The following ITPR2 variants were observed in gnomAD, a reference collection of about 807,000 sequenced individuals.
The protein encoded by ITPR2 is inositol 1,4,5-trisphosphate receptor type 2, also known as inositol 1,4,5-trisphosphate-gated calcium channel ITPR2.
ITPR2 carries 207 observed loss-of-function variants against 317.1 expected under a neutral mutation model. The ratio of observed to expected loss-of-function variants is 0.65; its 90% CI spans 0.58 to 0.73. ITPR2 has a LOEUF of 0.73. ITPR2 is among the 30% of genes least tolerant of loss of function. The pLI is 0.00. For synonymous variants in ITPR2, 1,156 were observed against 1,149.1 expected (o/e 1.01, Z -0.12); for missense variants, 2,613 against 3,284.0 (o/e 0.80, Z 4.99).
chr12:26,589,183 C>T (rs1434451975), intron 32 of ITPR2, among the ~76,000 whole-genome samples: 1 of 152,132 alleles, frequency 6.6e-6, no homozygotes, highest in Non-Finnish European at 1.5e-5. Context: ...ATCTGGTGTG[C>T]TTACAGGACA....
intron 2 of ITPR2, among the ~76,000 whole-genome samples, chr12:26,787,103 T>C (rs1215816671): frequency 1.3e-5 from 2 of 152,216 alleles, no homozygotes; most frequent in African/African-American, 4.8e-5. Context: ...ATGAGGCACT[T>C]GGTCAGGCAC....
At chr12:26,763,297 A>T (rs1229069423) in intron 2 of ITPR2, among the ~76,000 whole-genome samples, 2 of 152,096 alleles carry the variant, frequency 1.3e-5, no homozygotes, top group Non-Finnish European at 2.9e-5. Context: ...AATTAAACCT[A>T]CCAGTTCAAT....
intron 2 of ITPR2, among the ~76,000 whole-genome samples, chr12:26,784,336 T>C (rs369830652): frequency 5.4e-5 from 2 of 37,098 alleles, no homozygotes; most frequent in Non-Finnish European, 7.0e-5. Context: ...CCTCTCCCTC[T>C]CCCTCTCCCT....
chr12:26,639,847 C>T lies in ITPR2; in HGVS notation c.2741-7788G>A, dbSNP rs572158140. On this transcript the variant is annotated intron_variant, in intron 21 of 56. Coordinates refer to ENST00000381340, the MANE Select transcript of ITPR2 (RefSeq NM_002223.4). ...AGTATTCCATGGTGTATATGTGCCA[C>T]ATTTTCTTAATCCAGTCTATCGTTG... Among the ~76,000 whole-genome samples the T allele has an allele frequency of 5.9e-5, 9 of 152,180 alleles. No individual in the cohort carries two copies. In the East Asian group the frequency reaches 1.4e-3, roughly 23 times the overall value.
chr12:26,568,501 A>T (rs2137048893), intron 34 of ITPR2, among the ~76,000 whole-genome samples: 1 of 152,232 alleles, frequency 6.6e-6, no homozygotes, highest in Non-Finnish European at 1.5e-5. Context: ...TGATTTTAAG[A>T]TGTAATCAAA....
chr12:26,599,491 C>T (rs1433246233), intron 29 of ITPR2, 146 bp from the exon 30 acceptor site: 6 of 694,644 alleles, frequency 8.6e-6, no homozygotes, highest in East Asian at 2.7e-5. Context: ...TCAAAAAATG[C>T]GATGAGATCA....
intron 31 of ITPR2, among the ~76,000 whole-genome samples, 157 bp downstream of exon 31, chr12:26,596,726 C>T (rs1484102650): frequency 6.6e-6 from 1 of 151,372 alleles, no homozygotes; most frequent in Non-Finnish European, 1.5e-5. Context: ...ACCTTCTATG[C>T]TCTTTTACAT....
At chr12:26,461,636 A>AT (rs1942025822) in intron 45 of ITPR2, among the ~76,000 whole-genome samples, 1 of 16,116 alleles carries the variant, frequency 6.2e-5, no homozygotes, top group African/African-American at 9.3e-5. Flanking sequence ...AAATATATAT[A>AT]TATATATATA....
chr12:26,445,759 A>T (rs985251325), intron 45 of ITPR2, among the ~76,000 whole-genome samples: 3 of 152,176 alleles, frequency 2.0e-5, no homozygotes, highest in African/African-American at 7.2e-5. Context: ...GAGGAAGTAT[A>T]AACAAGGAGT....
chr12:26,438,233 T>A (rs1023619836), intron 47 of ITPR2, among the ~76,000 whole-genome samples: 1 of 152,366 alleles, frequency 6.6e-6, no homozygotes, highest in Admixed American at 6.5e-5. Context: ...TTGATTTTTT[T>A]AAAAGCATTC....
rs115282933 is a variant in ITPR2, at chr12:26,477,500, T to C, written c.6124-493A>G. Reference sequence around the variant, plus strand: ...TTAAGCAATAATTAGAATTAATCTATAAAATTACAAATTCCATGTGTTAGA... The same window carrying C: ...TTAAGCAATAATTAGAATTAATCTACAAAATTACAAATTCCATGTGTTAGA... On this transcript the variant is annotated intron_variant, in intron 43 of 56. Coordinates refer to ENST00000381340, the MANE Select transcript of ITPR2 (RefSeq NM_002223.4). Among the ~76,000 whole-genome samples, 863 of 152,270 alleles carry C rather than the reference T, an allele frequency of 5.7e-3. 12 individuals are homozygous for C. Among genetic ancestry groups the C allele is most frequent in the African/African-American group, 0.019 (802 of 41,570 alleles).
intron 26 of ITPR2, among the ~76,000 whole-genome samples, chr12:26,613,399 A>T (rs1369535803): frequency 2.0e-5 from 3 of 152,220 alleles, no homozygotes; most frequent in African/African-American, 7.2e-5. Context: ...TCTAAAAATG[A>T]TTGATAAAAT....
intron 23 of ITPR2, among the ~76,000 whole-genome samples, chr12:26,625,137 T>A (rs1464970346): frequency 6.6e-6 from 1 of 152,042 alleles, no homozygotes; most frequent in Non-Finnish European, 1.5e-5. Flanking sequence ...AGCTAAAAAT[T>A]AAAACAATTG....
chr12:26,508,121 T>A (rs1943240206), intron 37 of ITPR2, among the ~76,000 whole-genome samples: 1 of 152,220 alleles, frequency 6.6e-6, no homozygotes, highest in Non-Finnish European at 1.5e-5. Context: ...CTCTCCTGCA[T>A]GTTTTAACAT....
intron 1 of ITPR2, among the ~76,000 whole-genome samples, chr12:26,807,783 C>T (rs183043542): frequency 1.1e-4 from 17 of 152,258 alleles, no homozygotes; most frequent in Non-Finnish European, 1.3e-4. Flanking sequence ...ACCATAATAT[C>T]AACCCCAAAT....
chr12:26,634,539 T>G (rs1480439336), intron 21 of ITPR2, among the ~76,000 whole-genome samples: 1 of 152,114 alleles, frequency 6.6e-6, no homozygotes, highest in Non-Finnish European at 1.5e-5. Flanking sequence ...GTGTACAAAG[T>G]GTAATGAGAT....
chr12:26,654,349 A>G (rs956259743), intron 20 of ITPR2, among the ~76,000 whole-genome samples: 9 of 152,248 alleles, frequency 5.9e-5, no homozygotes, highest in Non-Finnish European at 1.2e-4. Context: ...AGAGTGCTTT[A>G]AGGTACTTAA....
At chr12:26,642,522 C>T (rs1004530619) in intron 21 of ITPR2, among the ~76,000 whole-genome samples, 7 of 152,256 alleles carry the variant, frequency 4.6e-5, no homozygotes, top group African/African-American at 1.7e-4. Flanking sequence ...CAGATGCTGG[C>T]CTCTCAACCC....
At chr12:26,448,001 TTA>T (rs1491442773) in intron 45 of ITPR2, among the ~76,000 whole-genome samples, 3 of 124,960 alleles carry the variant, frequency 2.4e-5, no homozygotes, top group African/African-American at 3.9e-5. Flanking sequence ...TGACTTTTTT[TTA>T]AAAAAAAAAA....
Sources: allele counts gnomAD v4.1 joint callset (sites outside exome capture counted in the v4.1 genomes callset), GRCh38; gene constraint gnomAD v4.1.1; transcripts MANE v1.5; gene names NCBI Gene and HGNC (gene_info 2026-07-23, HGNC 2026-07-21).